Variants in IFT140 observed in about 807,000 individuals in gnomAD.
IFT140 encodes the protein intraflagellar transport protein 140 homolog.
IFT140 carries 133 observed loss-of-function variants against 164.6 expected under a neutral mutation model. The ratio of observed to expected loss-of-function variants is 0.81; its 90% CI spans 0.70 to 0.93. The LOEUF is 0.93. Ranked by LOEUF, IFT140 falls within the 40% of genes least tolerant of loss-of-function variation. The pLI, the probability that IFT140 is intolerant of heterozygous loss-of-function variation, is 0.00. For missense variants in IFT140, 2,045 were observed against 1,972.3 expected (o/e 1.04, Z -0.70); for synonymous variants, 860 against 817.3 (o/e 1.05, Z -0.89).
chr16:1,543,979 T>G (rs910819264), intron 19 of IFT140, among the ~76,000 whole-genome samples: 88 of 151,978 alleles, frequency 5.8e-4, no homozygotes, highest in Non-Finnish European at 1.1e-3. Context: ...ATTCTGAAAA[T>G]AACTCCTTCT....
chr16:1,543,358 G>T (rs1469911404), intron 19 of IFT140, among the ~76,000 whole-genome samples: 1 of 152,268 alleles, frequency 6.6e-6, no homozygotes, highest in Non-Finnish European at 1.5e-5. Context: ...AGACTGTGGG[G>T]GCAGGTATTC....
intron 19 of IFT140, chr16:1,534,433 A>G: frequency 6.2e-7 from 1 of 1,612,024 alleles, no homozygotes. Context: ...TGGCTGGTGG[A>G]CAGGACCCGG....
chr16:1,576,305 A>C (rs2034271650), intron 13 of IFT140, among the ~76,000 whole-genome samples: 1 of 145,610 alleles, frequency 6.9e-6, no homozygotes, highest in African/African-American at 2.6e-5. Flanking sequence ...AAAAAAAAAA[A>C]GTATGGCCGG....
intron 30 of IFT140, among the ~76,000 whole-genome samples, chr16:1,513,619 C>A (rs759425969): frequency 5.3e-5 from 8 of 152,072 alleles, no homozygotes; most frequent in Non-Finnish European, 1.2e-4. Flanking sequence ...CGTGAGCAGG[C>A]TGATGCTGGG....
At chr16:1,520,472 G>A in intron 27 of IFT140, 129 bp from the exon 28 acceptor site, 1 of 1,332,672 alleles carries the variant, frequency 7.5e-7, no homozygotes, top group Middle Eastern at 2.4e-4. Flanking sequence ...CTTAGTGGTT[G>A]TGCTCTTCCT....
At chr16:1,542,137 A>T in intron 19 of IFT140, 1 of 1,492,940 alleles carries the variant, frequency 6.7e-7, no homozygotes, top group Non-Finnish European at 8.9e-7. Flanking sequence ...CTGGTGCCAC[A>T]GGAGGGTCCT....
chr16:1,525,395 G>C (rs973398843), intron 21 of IFT140, 69 bp from the exon 22 acceptor site: 2 of 1,229,920 alleles, frequency 1.6e-6, no homozygotes, highest in Non-Finnish European at 2.4e-6. Context: ...GGTGGGCTGA[G>C]GGGCAGCGTC....
At chr16:1,608,437 T>C (rs995340200) in intron 2 of IFT140, among the ~76,000 whole-genome samples, 6 of 151,576 alleles carry the variant, frequency 4.0e-5, no homozygotes. Flanking sequence ...GAGACCAGCC[T>C]GGGCAAAATG....
At chr16:1,602,252 T>C in intron 4 of IFT140, 118 bp downstream of exon 4, 1 of 912,178 alleles carries the variant, frequency 1.1e-6, no homozygotes, top group Non-Finnish European at 1.7e-6. Context: ...CAATTGCATC[T>C]GACAAGATCA....
intron 15 of IFT140, among the ~76,000 whole-genome samples, chr16:1,567,445 G>A (rs908680501): frequency 3.3e-5 from 5 of 151,972 alleles, no homozygotes; most frequent in African/African-American, 1.2e-4. Context: ...GCTCACTCTC[G>A]CCCCAACCTT....
rs375635975 is a variant in IFT140 at position 1,524,811 on chromosome 16, G to A, written c.2970C>T (p.Ile990=). 1.8e-5 allele frequency: 29 copies of A among 1,610,886 alleles called. No individual in the cohort carries two copies. Among genetic ancestry groups the A allele is most frequent in the Non-Finnish European group, 2.5e-5 (29 of 1,177,690 alleles). Residue 990 remains isoleucine, a synonymous_variant, in exon 23 of 31, where the codon ATC becomes ATT. Coordinates refer to ENST00000426508, the MANE Select transcript of IFT140 (RefSeq NM_014714.4). The stretch of plus-strand genomic sequence containing the variant: ...TCTGGACATTGCCCTGGAAGCAGTG[G>A]ATGCGGACCAGGGAGAAGTGGTCCC... ...LARDHFSLVR[I]HCFQGNVQKA...
At chr16:1,525,806 C>A in intron 21 of IFT140, 81 bp downstream of exon 21, 1 of 1,359,790 alleles carries the variant, frequency 7.4e-7, no homozygotes, top group Non-Finnish European at 9.7e-7. Context: ...CCCTGGCCAC[C>A]TCACCACAGC....
chr16:1,522,786 C>T (rs1405707133), intron 26 of IFT140, among the ~76,000 whole-genome samples: 1 of 152,078 alleles, frequency 6.6e-6, no homozygotes, highest in African/African-American at 2.4e-5. Context: ...TGCAGTGAGC[C>T]GAGATTGCGC....
intron 19 of IFT140, among the ~76,000 whole-genome samples, chr16:1,544,800 C>T (rs549415822): frequency 1.3e-5 from 2 of 151,234 alleles, no homozygotes; most frequent in South Asian, 2.1e-4. Flanking sequence ...AGGCACCCGC[C>T]ACCACGCCTG....
chr16:1,513,809 G>A (rs1278128355), intron 30 of IFT140, among the ~76,000 whole-genome samples: 1 of 149,604 alleles, frequency 6.7e-6, no homozygotes, highest in African/African-American at 2.5e-5. Context: ...AAGTAGCTGG[G>A]ACTACAGGCG....
At chr16:1,578,160 A>C (rs1441468116) in intron 13 of IFT140, 1 of 151,986 alleles carries the variant, frequency 6.6e-6, no homozygotes, top group East Asian at 1.9e-4. Context: ...CCTCCACCTG[A>C]TTCAGACAGA....
chr16:1,607,850 T>A (rs2036152154), intron 2 of IFT140, among the ~76,000 whole-genome samples: 1 of 152,240 alleles, frequency 6.6e-6, no homozygotes, highest in Admixed American at 6.5e-5. Flanking sequence ...TTTACTATGT[T>A]GCCCAGGCTG....
At chr16:1,591,185 C>T (rs571546652) in intron 6 of IFT140, among the ~76,000 whole-genome samples, 18 of 152,290 alleles carry the variant, frequency 1.2e-4, no homozygotes, top group African/African-American at 2.2e-4. Context: ...CTCCCTGGCA[C>T]GCACCCCCTC....
At chr16:1,597,876 C>A (rs1409538018) in intron 4 of IFT140, among the ~76,000 whole-genome samples, 5 of 152,202 alleles carry the variant, frequency 3.3e-5, no homozygotes, top group Non-Finnish European at 5.9e-5. Context: ...CCTGACTCGG[C>A]CTCCCAAGTA....
Sources: allele counts gnomAD v4.1 joint callset (sites outside exome capture counted in the v4.1 genomes callset), GRCh38; gene constraint gnomAD v4.1.1; transcripts MANE v1.5; gene names NCBI Gene and HGNC (gene_info 2026-07-23, HGNC 2026-07-21).